ZNF254: variants seen among roughly 807,000 people sequenced by gnomAD.
ZNF254 encodes the protein CTD-2017D11.1.
In ZNF254, 10 loss-of-function variants were observed where a neutral mutation model predicts 12.4. The observed-to-expected ratio is 0.80, with a 90% CI of 0.50 to 1.36. The LOEUF (loss-of-function observed/expected upper bound fraction) is 1.36. ZNF254 is among the 40% of genes most tolerant of loss of function. The probability of loss-of-function intolerance (pLI) is 0.00; values close to 1 mark genes in which losing one functional copy is unlikely to be tolerated. For missense variants in ZNF254, 996 were observed against 763.9 expected (o/e 1.30, Z -3.58); for synonymous variants, 305 against 253.4 (o/e 1.20, Z -1.93).
intron 2 of ZNF254, among the ~76,000 whole-genome samples, chr19:24,081,949 C>A (rs1971858946): frequency 1.3e-5 from 2 of 151,948 alleles, no homozygotes; most frequent in South Asian, 4.2e-4. Flanking sequence ...ATGGCGAAAC[C>A]CCGTCTCTAC....
intron 2 of ZNF254, among the ~76,000 whole-genome samples, chr19:24,047,628 G>A (rs1383104736): frequency 1.3e-5 from 1 of 78,110 alleles, no homozygotes; most frequent in Non-Finnish European, 2.5e-5. Context: ...TCTCTCTCTT[G>A]CTTGCTTGCT....
chr19:24,126,995 T>A lies in ZNF254; in HGVS notation c.995T>A (p.Ile332Lys). 1 of 1,612,970 alleles carries A rather than the reference T, an allele frequency of 6.2e-7. No homozygotes were observed. Residue 332 changes from isoleucine to lysine, a missense_variant, in exon 4 of 4, where the codon ATA (isoleucine) becomes AAA (lysine). Coordinates refer to ENST00000357002, the MANE Select transcript of ZNF254 (RefSeq NM_203282.4). ...TGTGAAGAATGTGGCAAAGCATTTA[T>A]ATGGTCCTCAACACTAACTAGACAT... is the stretch of plus-strand genomic sequence containing the variant. ...YKCEECGKAF[I>K]WSSTLTRHKR...
intron 2 of ZNF254, among the ~76,000 whole-genome samples, chr19:24,055,821 G>A (rs1970831586): frequency 6.6e-6 from 1 of 152,136 alleles, no homozygotes; most frequent in Non-Finnish European, 1.5e-5. Flanking sequence ...TAGGCTGTCA[G>A]GTACAAATTT....
intron 1 of ZNF254, 114 bp downstream of exon 1, chr19:24,087,451 A>G (rs1008246996): frequency 8.8e-6 from 12 of 1,360,238 alleles, no homozygotes; most frequent in Non-Finnish European, 1.3e-5. Context: ...ATCTGCGCCC[A>G]GCTCGACCTC....
At chr19:24,064,957 C>T (rs141964236) in intron 2 of ZNF254, among the ~76,000 whole-genome samples, 35 of 152,120 alleles carry the variant, frequency 2.3e-4, no homozygotes, top group African/African-American at 8.5e-4. Flanking sequence ...TTTTCTGTTC[C>T]GCTTGAGCAC....
At position 24,042,230 on chromosome 19, in the gene ZNF254, T is replaced by A. The variant is rs147711061; in HGVS notation, c.-189-3954T>A. ...GTGTTGAAACTCTATATCTAACTAA[T>A]CTGATGGGGAGGTGGAGAACCTTTG... On this transcript the variant is annotated intron_variant, in intron 1 of 4. Coordinates refer to the ZNF254 transcript ENST00000613065. Among the ~76,000 whole-genome samples the A allele has an allele frequency of 1.0e-3, 157 of 152,262 alleles. 3 individuals are homozygous for A. The East Asian group carries it at 0.029, about 28-fold the overall frequency.
At chr19:24,085,425 T>TATATATATATATATATATATATAA (rs1419273967), upstream of ZNF254, among the ~76,000 whole-genome samples, 5 of 134,974 alleles carry the variant, frequency 3.7e-5, no homozygotes, top group East Asian at 2.1e-4. Flanking sequence ...TATATATATA[T>TATATATATATATATATATATATAA]AAAAACTAAG....
At chr19:24,108,305 G>A (rs1478896259) in intron 3 of ZNF254, among the ~76,000 whole-genome samples, 1 of 152,104 alleles carries the variant, frequency 6.6e-6, no homozygotes, top group East Asian at 1.9e-4. Flanking sequence ...GAAGAGTTTG[G>A]GATGTTTACA....
At chr19:24,097,665 C>T (rs1480378056) in intron 1 of ZNF254, among the ~76,000 whole-genome samples, 2 of 151,928 alleles carry the variant, frequency 1.3e-5, no homozygotes, top group Middle Eastern at 3.4e-3. Context: ...CCTGTAATCC[C>T]AGGTATTTGG....
At chr19:24,097,420 T>G (rs1972737414) in intron 1 of ZNF254, among the ~76,000 whole-genome samples, 3 of 152,170 alleles carry the variant, frequency 2.0e-5, no homozygotes, top group Non-Finnish European at 4.4e-5. Flanking sequence ...GTAAGTTGTT[T>G]GACAGAAACC....
chr19:24,039,403 A>G (rs11882771), intron 1 of ZNF254, among the ~76,000 whole-genome samples: 24,127 of 152,158 alleles, frequency 0.16, 2,080 homozygotes, highest in Middle Eastern at 0.23. Context: ...TTACTGGAGA[A>G]AGTTTTTTTG....
intron 3 of ZNF254, among the ~76,000 whole-genome samples, chr19:24,123,933 C>G (rs1599765915): frequency 1.3e-5 from 2 of 151,934 alleles, no homozygotes; most frequent in East Asian, 3.9e-4. Context: ...TTTAATAAAA[C>G]TATTTATTGA....
Position 24,049,235 on chromosome 19 carries a change from T to A in ZNF254, c.-94+2956T>A, listed in dbSNP as rs113108288. On this transcript the variant is annotated intron_variant, in intron 2 of 4. Transcript: ENST00000613065. ...ATATATTTTTTTTTTTTTTTTAATT[T>A]ATTTATTATTTTTTAATATAGGGGT... Among the ~76,000 whole-genome samples, 19,784 of 131,152 alleles carry A rather than the reference T, an allele frequency of 0.15. 1,892 individuals carry two copies. Among genetic ancestry groups the A allele is most frequent in the Middle Eastern group, 0.22 (52 of 240 alleles). 86.0% of individuals were successfully genotyped at this position (131,152 alleles called of 152,430 possible).
At chr19:24,122,837 A>T (rs1214649346) in intron 3 of ZNF254, among the ~76,000 whole-genome samples, 1 of 152,212 alleles carries the variant, frequency 6.6e-6, no homozygotes, top group Non-Finnish European at 1.5e-5. Context: ...ATGACTCCTT[A>T]TATGACCATG....
intron 2 of ZNF254, among the ~76,000 whole-genome samples, chr19:24,069,554 A>C (rs1212831529): frequency 7.0e-6 from 1 of 143,848 alleles, no homozygotes; most frequent in Non-Finnish European, 1.5e-5. Context: ...GCAGTGAGCC[A>C]AGATCACGCC....
Position 24,128,267 on chromosome 19 carries a change from C to A in ZNF254, c.*287C>A. Reference sequence around the variant, plus strand: ...GCTCACACCCTATTGCACAGGAAAGCATTTATACTTGAGAAGAAATGTACA... The same window carrying A: ...GCTCACACCCTATTGCACAGGAAAGAATTTATACTTGAGAAGAAATGTACA... On this transcript the variant is annotated 3_prime_UTR_variant, in exon 4 of 4. Transcript: ENST00000357002. 3.2e-6 allele frequency: 1 copy of A among 315,196 alleles called. No individual in the cohort carries two copies. The highest frequency in any genetic ancestry group is 5.8e-6 in the Non-Finnish European group (1 of 173,826). The allele number at this position is 315,196 out of a possible 1,614,324, so 19.5% of individuals were successfully genotyped here. A position where few individuals can be genotyped will look rare whatever the true frequency, so the allele number is the denominator to read the frequency against.
intron 1 of ZNF254, among the ~76,000 whole-genome samples, chr19:24,036,304 G>A (rs925298786): frequency 4.6e-5 from 7 of 151,890 alleles, no homozygotes; most frequent in South Asian, 4.2e-4. Context: ...TGATCCACCC[G>A]CCTCGGCCTC....
In ZNF254 at chr19:24,106,636, AC is replaced by A; in HGVS notation, c.251del (p.Pro84GlnfsTer26). ...NMKRHEMVDE[P>X]PGMCPHFAQD... ...TGAAGCGACATGAGATGGTGGATGA[AC>A]CCCCAGGTAGGTGAGAGTGAATACA... is the stretch of plus-strand genomic sequence containing the variant. On this transcript the variant is annotated frameshift_variant, in exon 3 of 4. Coordinates refer to ENST00000357002, the MANE Select transcript of ZNF254 (RefSeq NM_203282.4). LOFTEE classifies it low-confidence loss of function (END_TRUNC). 1.3e-6 allele frequency: 2 copies of A among 1,581,094 alleles called. No individual in the cohort carries two copies. The highest frequency in any genetic ancestry group is 8.6e-7 in the Non-Finnish European group (1 of 1,161,474).
intron 2 of ZNF254, among the ~76,000 whole-genome samples, chr19:24,050,764 T>C (rs1024152905): frequency 3.3e-5 from 5 of 152,224 alleles, no homozygotes; most frequent in Admixed American, 1.3e-4. Flanking sequence ...TATTTATTTA[T>C]TTTTTTAAGA....
Sources: gnomAD v4.1 joint callset for allele counts (sites outside exome capture counted in the v4.1 genomes callset) on GRCh38, gnomAD v4.1.1 for gene constraint, MANE v1.5 for transcripts, NCBI Gene and HGNC (gene_info 2026-07-23, HGNC 2026-07-21) for gene names.